TBC1D5: variants seen among roughly 807,000 people sequenced by gnomAD.
TBC1D5 encodes TBC1 domain family, member 5.
Under a neutral mutation model 100.3 loss-of-function variants are expected in TBC1D5, and 75 were observed. The observed-to-expected ratio is 0.75, with a 90% CI of 0.62 to 0.91. TBC1D5 has a LOEUF of 0.91. TBC1D5 is among the 40% of genes least tolerant of loss of function. TBC1D5 has a pLI of 0.00. For synonymous variants in TBC1D5, 323 were observed against 325.6 expected (o/e 0.99, Z 0.09); for missense variants, 910 against 942.4 (o/e 0.97, Z 0.45).
At chr3:17,521,282 C>A (rs748789102) in intron 2 of TBC1D5, among the ~76,000 whole-genome samples, 28 of 152,164 alleles carry the variant, frequency 1.8e-4, no homozygotes, top group Non-Finnish European at 3.1e-4. Flanking sequence ...TCTCCTGAGA[C>A]AATAAGACCA....
intron 4 of TBC1D5, among the ~76,000 whole-genome samples, chr3:17,425,853 A>C (rs2094323013): frequency 6.6e-6 from 1 of 152,174 alleles, no homozygotes; most frequent in Non-Finnish European, 1.5e-5. Context: ...CAAAAGAATT[A>C]ATACTATGAC....
chr3:17,370,160 T>A (rs2092381951), intron 13 of TBC1D5, among the ~76,000 whole-genome samples: 1 of 152,108 alleles, frequency 6.6e-6, no homozygotes, highest in Non-Finnish European at 1.5e-5. Flanking sequence ...ACAGAAACAC[T>A]CTGGTTATAA....
At chr3:17,515,752 G>T (rs554316597) in intron 2 of TBC1D5, among the ~76,000 whole-genome samples, 1 of 152,164 alleles carries the variant, frequency 6.6e-6, no homozygotes, top group South Asian at 2.1e-4. Flanking sequence ...ATCCTTAATA[G>T]TTATAAGGTG....
intron 8 of TBC1D5, among the ~76,000 whole-genome samples, chr3:17,392,710 C>G (rs2093388575): frequency 6.6e-6 from 1 of 152,148 alleles, no homozygotes; most frequent in African/African-American, 2.4e-5. Context: ...TTTTTTATGG[C>G]TGCATAGTAT....
chr3:17,727,704 A>G (rs1275775373), intron 1 of TBC1D5, among the ~76,000 whole-genome samples: 4 of 152,234 alleles, frequency 2.6e-5, no homozygotes, highest in African/African-American at 9.7e-5. Context: ...ATACTCCACA[A>G]AAAGCACCAG....
intron 15 of TBC1D5, among the ~76,000 whole-genome samples, chr3:17,289,053 GC>G (rs932757269): frequency 6.6e-6 from 1 of 152,174 alleles, no homozygotes; most frequent in African/African-American, 2.4e-5. Flanking sequence ...GGGGTTGTGG[GC>G]ACCCCTGCCT....
chr3:17,617,976 G>A (rs1182521692), intron 2 of TBC1D5, among the ~76,000 whole-genome samples: 1 of 152,214 alleles, frequency 6.6e-6, no homozygotes, highest in Non-Finnish European at 1.5e-5. Flanking sequence ...GAGGAGAACA[G>A]GCGCTCCAGT....
At chr3:17,615,405 G>A (rs2062062593) in intron 2 of TBC1D5, among the ~76,000 whole-genome samples, 1 of 152,192 alleles carries the variant, frequency 6.6e-6, no homozygotes, top group South Asian at 2.1e-4. Context: ...CTTGTAAAAT[G>A]AGTTAGGGAG....
chr3:17,260,184 C>T (rs1038375084), intron 15 of TBC1D5, among the ~76,000 whole-genome samples: 5 of 152,156 alleles, frequency 3.3e-5, no homozygotes, highest in South Asian at 2.1e-4. Context: ...GCAGGACTAT[C>T]GCTCATGACT....
chr3:17,284,398 T>C (rs975690003), intron 15 of TBC1D5, among the ~76,000 whole-genome samples: 8 of 152,200 alleles, frequency 5.3e-5, no homozygotes, highest in African/African-American at 1.9e-4. Flanking sequence ...ATTACAGGCG[T>C]GAGCCACCAC....
At chr3:17,346,620 G>C (rs1456796788) in intron 13 of TBC1D5, among the ~76,000 whole-genome samples, 1 of 151,830 alleles carries the variant, frequency 6.6e-6, no homozygotes, top group East Asian at 1.9e-4. Context: ...TGGGTTTCTT[G>C]CATTGAAATC....
intron 4 of TBC1D5, among the ~76,000 whole-genome samples, chr3:17,427,916 C>G (rs891759823): frequency 6.6e-6 from 1 of 151,838 alleles, no homozygotes; most frequent in African/African-American, 2.4e-5. Context: ...AGGTAAAATA[C>G]ATATTTTCTT....
chr3:17,663,224 T>A (rs1185912445), intron 1 of TBC1D5: 1 of 152,026 alleles, frequency 6.6e-6, no homozygotes, highest in African/African-American at 2.4e-5. Context: ...ATACTAAAGA[T>A]GAAAATTTTT....
intron 8 of TBC1D5, among the ~76,000 whole-genome samples, chr3:17,385,427 C>T (rs1356359801): frequency 6.6e-6 from 1 of 151,976 alleles, no homozygotes; most frequent in Non-Finnish European, 1.5e-5. Context: ...TTATGTTTTA[C>T]ATCATATTAT....
intron 2 of TBC1D5, among the ~76,000 whole-genome samples, chr3:17,514,199 T>C (rs1351740284): frequency 2.0e-5 from 3 of 152,196 alleles, no homozygotes; most frequent in East Asian, 1.9e-4. Flanking sequence ...TATTGTTAGA[T>C]TGTATATCAA....
At chr3:17,213,037 C>T (rs993109874) in intron 18 of TBC1D5, among the ~76,000 whole-genome samples, 12 of 152,176 alleles carry the variant, frequency 7.9e-5, no homozygotes, top group Non-Finnish European at 1.6e-4. Context: ...TCGCCCAGAG[C>T]CACTTCCAGG....
chr3:17,705,894 G>C (rs1007911351), intron 1 of TBC1D5, among the ~76,000 whole-genome samples: 1 of 152,100 alleles, frequency 6.6e-6, no homozygotes, highest in Non-Finnish European at 1.5e-5. Context: ...GGCCAAGGCA[G>C]GCGTCTGCTC....
chr3:17,605,526 C>T (rs922771678), intron 2 of TBC1D5, among the ~76,000 whole-genome samples: 5 of 152,074 alleles, frequency 3.3e-5, no homozygotes, highest in African/African-American at 7.2e-5. Flanking sequence ...ATCCCACAAA[C>T]GTTAAATTGT....
At chr3:17,708,101 C>G (rs1011261755) in intron 1 of TBC1D5, among the ~76,000 whole-genome samples, 1 of 152,178 alleles carries the variant, frequency 6.6e-6, no homozygotes, top group Non-Finnish European at 1.5e-5. Flanking sequence ...TCTTTACCTC[C>G]TTACTAGCAA....
Sources: allele counts gnomAD v4.1 joint callset (sites outside exome capture counted in the v4.1 genomes callset), GRCh38; gene constraint gnomAD v4.1.1; transcripts MANE v1.5; gene names NCBI Gene and HGNC (gene_info 2026-07-23, HGNC 2026-07-21).